The following CELF1 variants were observed in gnomAD, a reference collection of about 807,000 sequenced individuals.
CELF1 encodes the protein 50 kDa nuclear polyadenylated RNA-binding protein.
A neutral mutation model predicts 61.8 loss-of-function variants in CELF1; 10 were observed. That is an observed-to-expected ratio of 0.16 (90% confidence interval 0.10 to 0.27). The LOEUF (loss-of-function observed/expected upper bound fraction) is 0.27, where lower values mean the gene tolerates loss of function less well. CELF1 is among the 10% of genes least tolerant of loss of function. The pLI is 1.00. For missense variants in CELF1, 380 were observed against 639.1 expected, an observed-to-expected ratio of 0.59 and a Z score of 4.37; for synonymous variants, 236 against 225.1, an observed-to-expected ratio of 1.05 and a Z score of -0.43.
At chr11:47,472,797 G>A (rs553108976) in intron 14 of CELF1, among the ~76,000 whole-genome samples, 1 of 152,240 alleles carries the variant, frequency 6.6e-6, no homozygotes, top group African/African-American at 2.4e-5. Flanking sequence ...CTCCTGCCTT[G>A]GCCTCCCCAA....
intron 1 of CELF1, chr11:47,524,683 C>G (rs2153667626): frequency 6.6e-6 from 1 of 152,312 alleles, no homozygotes; most frequent in East Asian, 1.9e-4. Context: ...GTGGGCTGCT[C>G]CTGCTGTTGC....
intron 1 of CELF1, among the ~76,000 whole-genome samples, chr11:47,535,667 G>A (rs1436504153): frequency 4.6e-5 from 6 of 131,770 alleles, no homozygotes; most frequent in East Asian, 2.1e-4. Flanking sequence ...CAACAAGAGC[G>A]AAACCCCATC....
chr11:47,503,207 T>C (rs185591581), intron 1 of CELF1, among the ~76,000 whole-genome samples: 1 of 152,198 alleles, frequency 6.6e-6, no homozygotes, highest in East Asian at 1.9e-4. Context: ...ATTTAGGATA[T>C]AGGAATAGTA....
chr11:47,482,196 C>T (rs1375715688), intron 9 of CELF1, among the ~76,000 whole-genome samples: 1 of 150,222 alleles, frequency 6.7e-6, no homozygotes, highest in African/African-American at 2.4e-5. Flanking sequence ...GTGAGTGAGA[C>T]TCCGTCTCAA....
chr11:47,559,583 C>T lies in CELF1; in HGVS notation c.-11+4768G>A, dbSNP rs763205164. 1.2e-4 allele frequency among the ~76,000 whole-genome samples: 19 copies of T among 152,244 alleles called. No individual in the cohort carries two copies. The South Asian group carries it at 1.9e-3, about 15-fold the overall frequency. On this transcript the variant is annotated intron_variant, in intron 2 of 3. Transcript: ENST00000525841. ...CAGGCTGATCTTAAACTCCTGGGCT[C>T]AAGCGATCATCCCACCTCAGGTAGA...
chr11:47,554,073 G>T (rs985775425), upstream of CELF1, among the ~76,000 whole-genome samples: 1 of 151,938 alleles, frequency 6.6e-6, no homozygotes, highest in African/African-American at 2.4e-5. Flanking sequence ...ACATCATCTG[G>T]CTTCCCAGAG....
chr11:47,513,922 A>T (rs2095398365), intron 1 of CELF1: 1 of 104,868 alleles, frequency 9.5e-6, no homozygotes, highest in Admixed American at 1.3e-4. Flanking sequence ...TCAAATACAC[A>T]AAATTTTCCT....
intron 13 of CELF1, among the ~76,000 whole-genome samples, chr11:47,473,963 G>A (rs2078860979): frequency 6.6e-6 from 1 of 151,882 alleles, no homozygotes; most frequent in Non-Finnish European, 1.5e-5. Flanking sequence ...TTGGAGTGCA[G>A]TGGCGTGAAC....
chr11:47,478,956 G>T lies in CELF1; in HGVS notation c.769-4C>A, dbSNP rs1454425890. ...GCTGAAGGAGCTGCAAATAAAGCTA[G>T]ACATTACACCAAAAAACAGAACAAG... On this transcript the variant is annotated splice_region_variant and splice_polypyrimidine_tract_variant and intron_variant, in intron 9 of 14. Coordinates refer to ENST00000687097, the MANE Select transcript of CELF1 (RefSeq NM_001376376.1). The T allele has an allele frequency of 6.2e-7, 1 of 1,609,678 alleles. No individual in the cohort carries two copies. Among genetic ancestry groups the T allele is most frequent in the Non-Finnish European group, 8.5e-7 (1 of 1,177,816 alleles).
At position 47,478,901 on chromosome 11, in the gene CELF1, G is replaced by A; in HGVS notation, c.820C>T (p.Leu274=). The part of the protein sequence containing the change: ...QTASSGNLNT[L]SSLHPMGGLN... ...CCTCCCATTGGGTGGAGGCTGCTCA[G>A]GGTGTTGAGGTTCCCAGAGGAGGCA... The change falls in exon 10 of 15, where the codon CTG becomes TTG. Residue 274 remains leucine (L), a synonymous_variant. Transcript: ENST00000687097. 1 of 1,613,104 alleles carries A rather than the reference G, an allele frequency of 6.2e-7. No homozygotes were observed. Among genetic ancestry groups the A allele is most frequent in the Non-Finnish European group, 8.5e-7 (1 of 1,179,596 alleles).
chr11:47,518,423 G>A (rs2095671604), intron 1 of CELF1, among the ~76,000 whole-genome samples: 1 of 152,224 alleles, frequency 6.6e-6, no homozygotes, highest in Admixed American at 6.5e-5. Flanking sequence ...GGGACAGGGT[G>A]AGATAATATG....
At chr11:47,546,663 G>C (rs2096959585) in intron 1 of CELF1, among the ~76,000 whole-genome samples, 1 of 152,176 alleles carries the variant, frequency 6.6e-6, no homozygotes, top group Admixed American at 6.6e-5. Context: ...AAGATACCTA[G>C]AAATTGGTCC....
rs1291082700 is a variant in CELF1 at position 47,553,106 on chromosome 11, G to A, written c.-268C>T. 2.5e-6 allele frequency: 1 copy of A among 398,184 alleles called. No individual in the cohort carries two copies. The allele number at this position is 398,184 out of a possible 1,614,324, so 24.7% of individuals were successfully genotyped here. On this transcript the variant is annotated 5_prime_UTR_variant, in exon 1 of 15. Coordinates refer to ENST00000687097, the MANE Select transcript of CELF1 (RefSeq NM_001376376.1). Reference sequence around the variant, plus strand: ...GGGGGAGCCTCCGCGTCCCGCCGCCGCTGCCGCTGCCGCCAGAGCAGAACA... The same window carrying A: ...GGGGGAGCCTCCGCGTCCCGCCGCCACTGCCGCTGCCGCCAGAGCAGAACA...
intron 4 of CELF1, among the ~76,000 whole-genome samples, chr11:47,488,407 T>TGGACA (rs2089063975): frequency 6.6e-6 from 1 of 152,230 alleles, no homozygotes; most frequent in Non-Finnish European, 1.5e-5. Context: ...AATGGGTATG[T>TGGACA]GGACAGTCTT....
intron 12 of CELF1, 66 bp downstream of exon 12, chr11:47,476,780 T>G: frequency 8.0e-7 from 1 of 1,255,140 alleles, no homozygotes; most frequent in East Asian, 2.3e-5. Context: ...GTGGTGCCCC[T>G]ACCAGGGTTA....
At chr11:47,522,104 G>A (rs890270215) in intron 1 of CELF1, among the ~76,000 whole-genome samples, 2 of 151,886 alleles carry the variant, frequency 1.3e-5, no homozygotes, top group African/African-American at 2.4e-5. Context: ...GTAGACACGG[G>A]GTTTCTCCAT....
intron 1 of CELF1, among the ~76,000 whole-genome samples, chr11:47,545,228 G>A (rs1237556054): frequency 9.2e-5 from 14 of 151,986 alleles, no homozygotes; most frequent in Non-Finnish European, 1.6e-4. Flanking sequence ...TCGGGAATTC[G>A]AGACCAGCCT....
Position 47,472,099 on chromosome 11 carries a change from G to A in CELF1, c.*131C>T. The stretch of plus-strand genomic sequence containing the variant: ...AGTAGCCGAGTCTTCAGGGCAAGCT[G>A]TGCCTGCGAGAGTGGCAGGGATCAG... On this transcript the variant is annotated 3_prime_UTR_variant, in exon 15 of 15. Coordinates refer to ENST00000687097, the MANE Select transcript of CELF1 (RefSeq NM_001376376.1). 1 of 1,048,644 alleles carries A rather than the reference G, an allele frequency of 9.5e-7. No homozygotes were observed. The highest frequency in any genetic ancestry group is 1.4e-6 in the Non-Finnish European group (1 of 714,088). The allele number at this position is 1,048,644 out of a possible 1,614,324, so 65.0% of individuals were successfully genotyped here.
At chr11:47,518,911 T>C (rs1200888247) in intron 1 of CELF1, among the ~76,000 whole-genome samples, 1 of 152,220 alleles carries the variant, frequency 6.6e-6, no homozygotes, top group East Asian at 1.9e-4. Context: ...CGGGCACTCA[T>C]GCGGGATGCT....
Sources: gnomAD v4.1 joint callset for allele counts (sites outside exome capture counted in the v4.1 genomes callset) on GRCh38, gnomAD v4.1.1 for gene constraint, MANE v1.5 for transcripts, NCBI Gene and HGNC (gene_info 2026-07-23, HGNC 2026-07-21) for gene names.